BIN3: variants seen among roughly 807,000 people sequenced by gnomAD.
The protein encoded by BIN3 is bridging integrator 3.
In BIN3, 41 loss-of-function variants were observed where a neutral mutation model predicts 38.2. The observed-to-expected ratio is 1.07, with a 90% CI of 0.84 to 1.39. The LOEUF is 1.39. Among genes scored for constraint, BIN3 ranks in the 40% most tolerant of loss-of-function variants. The probability of loss-of-function intolerance (pLI) is 0.00; values close to 1 mark genes in which losing one functional copy is unlikely to be tolerated. For missense variants in BIN3, 361 were observed against 324.3 expected (o/e 1.11, Z -0.87); for synonymous variants, 145 against 122.6 (o/e 1.18, Z -1.21).
At chr8:22,644,095 GGCCTCAT>G (rs1238226840) in intron 2 of BIN3, among the ~76,000 whole-genome samples, 1 of 152,184 alleles carries the variant, frequency 6.6e-6, no homozygotes, top group African/African-American at 2.4e-5. Context: ...ACTTTCCACG[GGCCTCAT>G]TTTCTTCATC....
chr8:22,655,542 C>T lies in BIN3; in HGVS notation c.9-10739G>A, dbSNP rs149776415. Among the ~76,000 whole-genome samples, 681 of 152,186 alleles carry T rather than the reference C, an allele frequency of 4.5e-3. 5 individuals are homozygous for T. The highest frequency in any genetic ancestry group is 0.015 in the African/African-American group (637 of 41,526). ...TGTTTGTTGAAGATTATTCTTTTTC[C>T]GCTGAACTGTTCTGGCATCTTTGTT... On this transcript the variant is annotated intron_variant, in intron 1 of 8. Transcript: ENST00000276416.
intron 8 of BIN3, 102 bp downstream of exon 8, chr8:22,623,813 G>A (rs1801918692): frequency 7.0e-7 from 1 of 1,424,450 alleles, no homozygotes; most frequent in Non-Finnish European, 9.4e-7. Flanking sequence ...TGGGTGCCCT[G>A]TCTTTACGGA....
intron 8 of BIN3, 110 bp downstream of exon 8, chr8:22,623,805 G>C: frequency 7.4e-7 from 1 of 1,350,636 alleles, no homozygotes; most frequent in Non-Finnish European, 9.9e-7. Flanking sequence ...GCCTGGGGTG[G>C]GTGCCCTGTC....
At chr8:22,660,717 A>G (rs1315458338) in intron 1 of BIN3, among the ~76,000 whole-genome samples, 1 of 152,214 alleles carries the variant, frequency 6.6e-6, no homozygotes, top group African/African-American at 2.4e-5. Flanking sequence ...AAATACACAA[A>G]AAATACAGGG....
intron 1 of BIN3, among the ~76,000 whole-genome samples, chr8:22,655,785 T>C (rs1263631211): frequency 6.6e-6 from 1 of 152,230 alleles, no homozygotes; most frequent in Non-Finnish European, 1.5e-5. Flanking sequence ...TTATTTTTTA[T>C]ATTTAAATCT....
intron 1 of BIN3, among the ~76,000 whole-genome samples, chr8:22,668,547 G>A (rs1224743022): frequency 6.6e-6 from 1 of 152,190 alleles, no homozygotes; most frequent in Non-Finnish European, 1.5e-5. Flanking sequence ...AAAAAGAGAA[G>A]CAAGTTTTCC....
At chr8:22,629,498 C>T (rs949538916) in intron 6 of BIN3, among the ~76,000 whole-genome samples, 2 of 152,276 alleles carry the variant, frequency 1.3e-5, no homozygotes, top group Admixed American at 1.3e-4. Context: ...CCAGACCCCG[C>T]TGCCACGCCC....
intron 1 of BIN3, among the ~76,000 whole-genome samples, chr8:22,653,939 T>C (rs1236988253): frequency 2.3e-5 from 1 of 42,680 alleles, no homozygotes; most frequent in Non-Finnish European, 4.6e-5. Flanking sequence ...TGGGGTGGGG[T>C]GGGGACAGTC....
intron 4 of BIN3, among the ~76,000 whole-genome samples, chr8:22,636,054 G>C (rs896766661): frequency 6.6e-6 from 1 of 152,182 alleles, no homozygotes; most frequent in Non-Finnish European, 1.5e-5. Flanking sequence ...TGTCATCATA[G>C]AATTATCTGG....
intron 2 of BIN3, among the ~76,000 whole-genome samples, chr8:22,644,372 T>C (rs931353389): frequency 5.3e-5 from 8 of 152,120 alleles, no homozygotes; most frequent in African/African-American, 1.9e-4. Flanking sequence ...GCAGCTGAGG[T>C]AACAGAAATA....
In BIN3 at chr8:22,648,207, G is replaced by C. The variant is rs185399807; in HGVS notation, c.9-3404C>G. On this transcript the variant is annotated intron_variant, in intron 1 of 8. Transcript: ENST00000276416. ...ATAATTCCTATGTTGCCCACCCTCA[G>C]TTTCCCCTTTTATTAACATCTGATA... Among the ~76,000 whole-genome samples, 229 of 151,082 alleles carry C rather than the reference G, an allele frequency of 1.5e-3. 1 individual carries two copies. The highest frequency in any genetic ancestry group is 5.4e-3 in the African/African-American group (223 of 40,968).
intron 1 of BIN3, among the ~76,000 whole-genome samples, chr8:22,659,978 C>T (rs940835098): frequency 3.9e-5 from 6 of 152,120 alleles, no homozygotes; most frequent in Non-Finnish European, 7.4e-5. Flanking sequence ...AGTATACTCA[C>T]CCCCCAAGAA....
Position 22,632,705 on chromosome 8 carries a change from C to CTTTTT in BIN3, c.161-2132_161-2128dup, listed in dbSNP as rs373810993. On this transcript the variant is annotated intron_variant, in intron 4 of 8. Coordinates refer to ENST00000276416, the MANE Select transcript of BIN3 (RefSeq NM_018688.6). ...GCGAGGACACGGTCTTTCCACTTTC[C>CTTTTT]TTTTTTTTTTTTTTTTCAGACGGAG... is the stretch of plus-strand genomic sequence containing the variant. Among the ~76,000 whole-genome samples the CTTTTT allele has an allele frequency of 2.6e-4, 34 of 132,146 alleles. 1 individual carries two copies. The highest frequency in any genetic ancestry group is 7.9e-4 in the African/African-American group (28 of 35,428). The allele number at this position is 132,146 out of a possible 152,430, so 86.7% of individuals were successfully genotyped here. A position where few individuals can be genotyped will look rare whatever the true frequency, so the allele number is the denominator to read the frequency against.
intron 4 of BIN3, among the ~76,000 whole-genome samples, chr8:22,632,705 CTTT>C (rs373810993): frequency 3.8e-5 from 5 of 132,156 alleles, no homozygotes; most frequent in African/African-American, 1.1e-4. Context: ...TTCCACTTTC[CTTT>C]TTTTTTTTTT....
intron 1 of BIN3, among the ~76,000 whole-genome samples, chr8:22,649,928 G>A (rs1013059149): frequency 6.6e-6 from 1 of 151,454 alleles, no homozygotes; most frequent in Non-Finnish European, 1.5e-5. Flanking sequence ...ATGTGCATAT[G>A]TAAATTTTAT....
At chr8:22,635,815 G>A (rs999783684) in intron 4 of BIN3, among the ~76,000 whole-genome samples, 5 of 152,140 alleles carry the variant, frequency 3.3e-5, no homozygotes, top group Non-Finnish European at 7.4e-5. Context: ...GAACCTCAAG[G>A]AATGGTCTCC....
intron 2 of BIN3, among the ~76,000 whole-genome samples, chr8:22,638,116 C>T (rs903822333): frequency 1.3e-5 from 2 of 152,214 alleles, no homozygotes; most frequent in African/African-American, 4.8e-5. Flanking sequence ...CCCAAGAGCC[C>T]TAGATCCTGA....
intron 1 of BIN3, among the ~76,000 whole-genome samples, chr8:22,662,910 G>A (rs573015214): frequency 6.6e-6 from 1 of 152,318 alleles, no homozygotes; most frequent in East Asian, 1.9e-4. Flanking sequence ...GCCAAGACGG[G>A]TGGATTACTT....
At chr8:22,648,136 CAAAAAAAA>C (rs55869105) in intron 1 of BIN3, among the ~76,000 whole-genome samples, 1 of 102,392 alleles carries the variant, frequency 9.8e-6, no homozygotes, top group Admixed American at 1.1e-4. Context: ...CTCCGTCTCT[CAAAAAAAA>C]AAAAAAAAAA....
Sources: gnomAD v4.1 joint callset for allele counts (sites outside exome capture counted in the v4.1 genomes callset) on GRCh38, gnomAD v4.1.1 for gene constraint, MANE v1.5 for transcripts, NCBI Gene and HGNC (gene_info 2026-07-23, HGNC 2026-07-21) for gene names.